FAM174A: variants seen among roughly 807,000 people sequenced by gnomAD.
The protein encoded by FAM174A is family with sequence similarity 174 member A, also known as membrane protein FAM174A.
A neutral mutation model predicts 14.3 loss-of-function variants in FAM174A; 14 were observed. The observed-to-expected ratio is 0.98, with a 90% CI of 0.65 to 1.53. The LOEUF (loss-of-function observed/expected upper bound fraction) is 1.53. FAM174A is among the 40% of genes most tolerant of loss of function. FAM174A has a pLI of 0.00. For missense variants in FAM174A, 241 were observed against 249.6 expected (o/e 0.97, Z 0.23); for synonymous variants, 108 against 111.4 (o/e 0.97, Z 0.19).
rs1419729561 is a variant in FAM174A at position 100,586,282 on chromosome 5, G to A, written c.*98G>A. 4 of 761,180 alleles carry A rather than the reference G, an allele frequency of 5.3e-6. No individual in the cohort carries two copies. The highest frequency in any genetic ancestry group is 5.6e-5 in the Admixed American group (2 of 35,974). The allele number at this position is 761,180 out of a possible 1,614,324, so 47.2% of individuals were successfully genotyped here. On this transcript the variant is annotated 3_prime_UTR_variant, in exon 3 of 3. Transcript: ENST00000312637. ...AAGCCACTATATCAATGTTGGGGGG[G>A]TATTTAAGTTACATATATTTTAACA...
In FAM174A at chr5:100,586,447, A is replaced by G. The variant is rs1485084760; in HGVS notation, c.*263A>G. Reference sequence around the variant, plus strand: ...TTATCTGTTTGAAAATTACTATAAAACGGTGTTTTCTGATCGGTTTTTGTT... The same window carrying G: ...TTATCTGTTTGAAAATTACTATAAAGCGGTGTTTTCTGATCGGTTTTTGTT... On this transcript the variant is annotated 3_prime_UTR_variant, in exon 3 of 3. Coordinates refer to ENST00000312637, the MANE Select transcript of FAM174A (RefSeq NM_198507.3). The G allele has an allele frequency of 8.2e-6, 2 of 243,520 alleles. No homozygotes were observed. Among genetic ancestry groups the G allele is most frequent in the Non-Finnish European group, 1.6e-5 (2 of 127,622 alleles). 15.1% of individuals were successfully genotyped at this position (243,520 alleles called of 1,614,324 possible).
chr5:100,558,635 A>G (rs990335323), intron 1 of FAM174A, among the ~76,000 whole-genome samples: 24 of 152,162 alleles, frequency 1.6e-4, no homozygotes, highest in Admixed American at 5.9e-4. Context: ...TATTGGGTGC[A>G]TATATATTTA....
At chr5:100,544,082 C>A (rs1038302258) in intron 1 of FAM174A, among the ~76,000 whole-genome samples, 2 of 152,126 alleles carry the variant, frequency 1.3e-5, no homozygotes, top group Non-Finnish European at 2.9e-5. Flanking sequence ...ATGTATCAGG[C>A]TGGGCATGGT....
intron 1 of FAM174A, among the ~76,000 whole-genome samples, chr5:100,539,424 T>C (rs1746008120): frequency 6.6e-6 from 1 of 152,160 alleles, no homozygotes; most frequent in African/African-American, 2.4e-5. Context: ...ATTTGAATGC[T>C]TACCCAACCC....
chr5:100,579,832 C>G (rs1342322662), intron 2 of FAM174A, among the ~76,000 whole-genome samples: 1 of 152,108 alleles, frequency 6.6e-6, no homozygotes, highest in Non-Finnish European at 1.5e-5. Flanking sequence ...AGTTGTATTG[C>G]TTGGTGTATA....
At chr5:100,557,254 G>A (rs1392660499) in intron 1 of FAM174A, among the ~76,000 whole-genome samples, 6 of 152,004 alleles carry the variant, frequency 3.9e-5, no homozygotes, top group East Asian at 1.9e-4. Context: ...ATTTGCGTAT[G>A]TTGAACCAGC....
Position 100,586,391 on chromosome 5 carries a change from A to G in FAM174A, c.*207A>G. 3.1e-6 allele frequency: 1 copy of G among 320,398 alleles called. No homozygotes were observed. The highest frequency in any genetic ancestry group is 5.8e-6 in the Non-Finnish European group (1 of 171,520). The allele number at this position is 320,398 out of a possible 1,614,324, so 19.8% of individuals were successfully genotyped here. On this transcript the variant is annotated 3_prime_UTR_variant, in exon 3 of 3. Transcript: ENST00000312637. ...AGAAGTACTCTGTTAATGGGCTCAG[A>G]GATGTTGGGGATAAAGTATACTGTA...
Position 100,535,569 on chromosome 5 carries a change from C to T in FAM174A, c.39C>T (p.Leu13=), listed in dbSNP as rs1437536003. Reference sequence around the variant, plus strand: ...AGTGCTGCTGCTGTCTCAGCCACCTCTTGGCTTCCGTCCTCCTCCTGCTGT... The same window carrying T: ...AGTGCTGCTGCTGTCTCAGCCACCTTTTGGCTTCCGTCCTCCTCCTGCTGT... ...ASQCCCCLSH[L]LASVLLLLLL... Residue 13 remains leucine (L), a synonymous_variant, in exon 1 of 3, where the codon CTC becomes CTT. Transcript: ENST00000312637. 6.2e-7 allele frequency: 1 copy of T among 1,613,256 alleles called. No homozygotes were observed. The highest frequency in any genetic ancestry group is 8.5e-7 in the Non-Finnish European group (1 of 1,179,970).
intron 1 of FAM174A, among the ~76,000 whole-genome samples, chr5:100,544,355 T>C (rs540979943): frequency 6.7e-6 from 1 of 149,860 alleles, no homozygotes; most frequent in Non-Finnish European, 1.5e-5. Flanking sequence ...GTCATACCCC[T>C]GCATTTGTAC....
At chr5:100,559,540 T>C (rs1015157153) in intron 1 of FAM174A, among the ~76,000 whole-genome samples, 3 of 152,052 alleles carry the variant, frequency 2.0e-5, no homozygotes, top group African/African-American at 7.2e-5. Context: ...TCCTGCAGAG[T>C]ATTTTCCAAC....
chr5:100,581,666 A>G (rs2112406209), intron 2 of FAM174A, among the ~76,000 whole-genome samples: 1 of 152,308 alleles, frequency 6.6e-6, no homozygotes, highest in South Asian at 2.1e-4. Context: ...CTTCTTCAAT[A>G]TTACATTTGG....
chr5:100,548,847 TATA>T (rs1301578839), intron 1 of FAM174A, among the ~76,000 whole-genome samples: 1 of 152,184 alleles, frequency 6.6e-6, no homozygotes, highest in African/African-American at 2.4e-5. Flanking sequence ...GGAGTTTTAC[TATA>T]ATGTTTTTAA....
At chr5:100,540,431 G>A (rs1456049088) in intron 1 of FAM174A, among the ~76,000 whole-genome samples, 1 of 152,112 alleles carries the variant, frequency 6.6e-6, no homozygotes, top group Non-Finnish European at 1.5e-5. Flanking sequence ...TATCTCCTTG[G>A]AAAGTGGAGT....
chr5:100,572,665 G>A (rs911290142), intron 2 of FAM174A, among the ~76,000 whole-genome samples: 6 of 151,902 alleles, frequency 3.9e-5, no homozygotes, highest in African/African-American at 1.5e-4. Context: ...TGGACATTTG[G>A]GTTGATTCCA....
At chr5:100,580,989 C>T (rs745776887) in intron 2 of FAM174A, among the ~76,000 whole-genome samples, 7 of 152,216 alleles carry the variant, frequency 4.6e-5, no homozygotes, top group South Asian at 2.1e-4. Flanking sequence ...ACTACAATGG[C>T]GTGATCTCAG....
At chr5:100,542,878 C>A (rs1339643228) in intron 1 of FAM174A, among the ~76,000 whole-genome samples, 1 of 151,608 alleles carries the variant, frequency 6.6e-6, no homozygotes, top group Non-Finnish European at 1.5e-5. Context: ...AATATTCACA[C>A]ACATGTGTAG....
intron 1 of FAM174A, among the ~76,000 whole-genome samples, chr5:100,541,392 T>C (rs1298224638): frequency 2.6e-5 from 4 of 152,170 alleles, no homozygotes; most frequent in African/African-American, 7.2e-5. Context: ...GAAGACTAAA[T>C]ATTTATCTCT....
At chr5:100,543,338 G>A (rs902223622) in intron 1 of FAM174A, among the ~76,000 whole-genome samples, 2 of 152,004 alleles carry the variant, frequency 1.3e-5, no homozygotes, top group East Asian at 1.9e-4. Flanking sequence ...AGCTGGTCTC[G>A]AACTCTTGAG....
At chr5:100,566,622 G>A (rs1746658039) in intron 2 of FAM174A, among the ~76,000 whole-genome samples, 1 of 151,840 alleles carries the variant, frequency 6.6e-6, no homozygotes, top group Non-Finnish European at 1.5e-5. Context: ...TTAATCTCAA[G>A]AGGTGATGGA....
Sources: allele counts gnomAD v4.1 joint callset (sites outside exome capture counted in the v4.1 genomes callset), GRCh38; gene constraint gnomAD v4.1.1; transcripts MANE v1.5; gene names NCBI Gene and HGNC (gene_info 2026-07-23, HGNC 2026-07-21).